THSD7A: variants seen among roughly 807,000 people sequenced by gnomAD.
The protein encoded by THSD7A is thrombospondin type-1 domain-containing protein 7A.
A neutral mutation model predicts 231.3 loss-of-function variants in THSD7A; 96 were observed. The ratio of observed to expected loss-of-function variants is 0.41; its 90% CI spans 0.35 to 0.49. The LOEUF (loss-of-function observed/expected upper bound fraction) is 0.49. THSD7A is among the 20% of genes least tolerant of loss of function. The pLI, the probability that THSD7A is intolerant of heterozygous loss-of-function variation, is 0.05. For synonymous variants in THSD7A, 940 were observed against 743.3 expected (o/e 1.26, Z -4.30); for missense variants, 2,290 against 2,070.2 (o/e 1.11, Z -2.06).
At chr7:11,777,935 G>T (rs1783474478) in intron 1 of THSD7A, among the ~76,000 whole-genome samples, 1 of 150,774 alleles carries the variant, frequency 6.6e-6, no homozygotes, top group South Asian at 2.1e-4. Flanking sequence ...GGATCACGAG[G>T]TCAAGAGATC....
chr7:11,829,194 T>C (rs1007171668), intron 1 of THSD7A, among the ~76,000 whole-genome samples: 4 of 152,118 alleles, frequency 2.6e-5, no homozygotes, highest in Non-Finnish European at 5.9e-5. Context: ...AAGTTATACA[T>C]AAATTTTCCA....
chr7:11,801,877 A>G (rs896796314), intron 1 of THSD7A, among the ~76,000 whole-genome samples: 1 of 152,220 alleles, frequency 6.6e-6, no homozygotes, highest in Non-Finnish European at 1.5e-5. Flanking sequence ...ACATTTAGGC[A>G]TATTCTCACA....
chr7:11,664,984 A>G (rs954538526), intron 1 of THSD7A, among the ~76,000 whole-genome samples: 2 of 152,080 alleles, frequency 1.3e-5, no homozygotes, highest in African/African-American at 4.8e-5. Context: ...CTGGCCTGTT[A>G]CTTGTTATAG....
At chr7:11,507,435 C>T (rs6973122) in intron 6 of THSD7A, among the ~76,000 whole-genome samples, 62,584 of 151,854 alleles carry the variant, frequency 0.41, 13,225 homozygotes, top group South Asian at 0.48. Context: ...TGCCCGAATA[C>T]TATGCTGAAT....
chr7:11,479,753 T>C (rs1786343980), intron 7 of THSD7A, among the ~76,000 whole-genome samples: 1 of 152,214 alleles, frequency 6.6e-6, no homozygotes, highest in African/African-American at 2.4e-5. Context: ...TAATAGGTAC[T>C]AAATAGGCTT....
At chr7:11,565,106 C>A (rs1294524230) in intron 4 of THSD7A, among the ~76,000 whole-genome samples, 1 of 152,086 alleles carries the variant, frequency 6.6e-6, no homozygotes, top group Admixed American at 6.6e-5. Flanking sequence ...CTGAACTCTT[C>A]CAGCATACCG....
In THSD7A at chr7:11,474,613, G is replaced by T; in HGVS notation, c.2018-45C>A. 1 of 1,478,482 alleles carries T rather than the reference G, an allele frequency of 6.8e-7. No individual in the cohort carries two copies. 91.6% of individuals were successfully genotyped at this position (1,478,482 alleles called of 1,614,324 possible). A position where few individuals can be genotyped will look rare whatever the true frequency, so the allele number is the denominator to read the frequency against. ...TAGCAAATTAGATACGGTGCCAACA[G>T]GAACCTTACCATACTCTGTTCTTTG... On this transcript the variant is annotated intron_variant, in intron 7 of 27. Transcript: ENST00000423059. This position sits in a 1 kb window ranked among gnomAD's most constrained non-coding sequence, Gnocchi z 4.1.
At position 11,634,799 on chromosome 7, in the gene THSD7A, C is replaced by A. The variant is rs1014616961; in HGVS notation, c.1022+1331G>T. Among the ~76,000 whole-genome samples the A allele has an allele frequency of 6.6e-5, 10 of 151,872 alleles. No homozygotes were observed. Among genetic ancestry groups the A allele is most frequent in the African/African-American group, 2.4e-4 (10 of 41,344 alleles). On this transcript the variant is annotated intron_variant, in intron 2 of 27. Coordinates refer to ENST00000423059, the MANE Select transcript of THSD7A (RefSeq NM_015204.3). The surrounding 1 kb of genome is among the most constrained non-coding windows in gnomAD (Gnocchi z 4.1). ...AGCAAAAATTCCAAAAAACAGTAAC[C>A]AGAACTCTATGATGAGAGAAAGTTA...
chr7:11,650,063 G>A lies in THSD7A; in HGVS notation c.191-13102C>T, dbSNP rs191864586. 2.3e-3 allele frequency among the ~76,000 whole-genome samples: 357 copies of A among 152,180 alleles called. 4 individuals are homozygous for A. The highest frequency in any genetic ancestry group is 4.2e-3 in the Non-Finnish European group (288 of 67,970). ...ACAGCTTTTGATATTTCTTACCAATGAGAATTGAGGAAAAAAGCGTATTTG... is the reference window on the plus strand; with the variant it reads ...ACAGCTTTTGATATTTCTTACCAATAAGAATTGAGGAAAAAAGCGTATTTG... On this transcript the variant is annotated intron_variant, in intron 1 of 27. Coordinates refer to ENST00000423059, the MANE Select transcript of THSD7A (RefSeq NM_015204.3).
intron 1 of THSD7A, among the ~76,000 whole-genome samples, chr7:11,653,776 A>AT (rs1271081959): frequency 6.6e-6 from 1 of 151,882 alleles, no homozygotes; most frequent in Non-Finnish European, 1.5e-5. Context: ...TTATACCAGT[A>AT]TTTTGCCAAG....
intron 1 of THSD7A, among the ~76,000 whole-genome samples, chr7:11,784,840 T>C (rs1331475588): frequency 6.6e-6 from 1 of 152,130 alleles, no homozygotes; most frequent in Non-Finnish European, 1.5e-5. Flanking sequence ...ACTATCAAAA[T>C]GCCATAAATT....
chr7:11,689,032 G>A (rs182853934), intron 1 of THSD7A, among the ~76,000 whole-genome samples: 213 of 151,864 alleles, frequency 1.4e-3, no homozygotes, highest in Non-Finnish European at 2.4e-3. Context: ...ACATTTGCAA[G>A]TTTTCCTTTG....
intron 6 of THSD7A, among the ~76,000 whole-genome samples, chr7:11,498,372 G>C (rs73070814): frequency 0.13 from 19,273 of 152,190 alleles, 1,425 homozygotes; most frequent in Middle Eastern, 0.18. Context: ...TGGCCAGACT[G>C]CTGCTTTAAA....
At chr7:11,618,641 T>G (rs1781198508) in intron 2 of THSD7A, among the ~76,000 whole-genome samples, 1 of 151,580 alleles carries the variant, frequency 6.6e-6, no homozygotes, top group Non-Finnish European at 1.5e-5. Context: ...CTACTAAAAA[T>G]ACAAAAAAAT....
rs767746258 is a variant in THSD7A at position 11,443,197 on chromosome 7, A to C, written c.3064+2864T>G. Among the ~76,000 whole-genome samples, 4 of 152,078 alleles carry C rather than the reference A, an allele frequency of 2.6e-5. No homozygotes were observed. In the East Asian group the frequency reaches 5.8e-4, roughly 22 times the overall value. On this transcript the variant is annotated intron_variant, in intron 13 of 27. Coordinates refer to ENST00000423059, the MANE Select transcript of THSD7A (RefSeq NM_015204.3). ...TTCTGGAAGCTCACAGGTAATGTTA[A>C]ACAATTATTTTAGTGATTCAGTATG...
At chr7:11,550,239 A>T (rs1789571141) in intron 4 of THSD7A, among the ~76,000 whole-genome samples, 1 of 152,138 alleles carries the variant, frequency 6.6e-6, no homozygotes, top group African/African-American at 2.4e-5. Context: ...CATTCACAAT[A>T]GCCACCAAGA....
At chr7:11,557,469 AT>A (rs561018557) in intron 4 of THSD7A, among the ~76,000 whole-genome samples, 160 of 151,972 alleles carry the variant, frequency 1.1e-3, no homozygotes, top group African/African-American at 3.7e-3. Flanking sequence ...CTATTTATTT[AT>A]TTTTTTCGTT....
At chr7:11,682,774 G>A (rs1783916725) in intron 1 of THSD7A, among the ~76,000 whole-genome samples, 1 of 151,850 alleles carries the variant, frequency 6.6e-6, no homozygotes, top group African/African-American at 2.4e-5. Flanking sequence ...GACATCTACA[G>A]AATACTCCAC....
chr7:11,751,493 G>T (rs1184891016), intron 1 of THSD7A: 1 of 151,942 alleles, frequency 6.6e-6, no homozygotes, highest in Non-Finnish European at 1.5e-5. Context: ...TGAAGAAAAT[G>T]GGCGCTCTGA....
Sources: gnomAD v4.1 joint callset for allele counts (sites outside exome capture counted in the v4.1 genomes callset) on GRCh38, gnomAD v4.1.1 for gene constraint, Gnocchi (gnomAD v3.1) non-coding constraint, MANE v1.5 for transcripts, NCBI Gene and HGNC (gene_info 2026-07-23, HGNC 2026-07-21) for gene names.